NUBP2: variants seen among roughly 807,000 people sequenced by gnomAD.
The protein encoded by NUBP2 is NUBP iron-sulfur cluster assembly factor 2, cytosolic, also known as cytosolic Fe-S cluster assembly factor NUBP2.
Under a neutral mutation model 24.9 loss-of-function variants are expected in NUBP2, and 23 were observed. The ratio of observed to expected loss-of-function variants is 0.92; its 90% CI spans 0.66 to 1.31. NUBP2 has a LOEUF of 1.31. NUBP2 is among the 50% of genes most tolerant of loss of function. The pLI is 0.00. For synonymous variants in NUBP2, 186 were observed against 170.9 expected, an observed-to-expected ratio of 1.09 and a Z score of -0.69; for missense variants, 403 against 386.5, an observed-to-expected ratio of 1.04 and a Z score of -0.36.
At chr16:1,783,076 C>A in intron 1 of NUBP2, 40 bp downstream of exon 1, 1 of 1,240,226 alleles carries the variant, frequency 8.1e-7, no homozygotes, top group South Asian at 3.5e-5. Context: ...TCCAGGGCCT[C>A]GCTTGGGGCC....
In NUBP2 at chr16:1,786,845, G is replaced by A. The variant is rs1447626903; in HGVS notation, c.224G>A (p.Gly75Asp). 3 of 1,596,252 alleles carry A rather than the reference G, an allele frequency of 1.9e-6. No homozygotes were observed. The highest frequency in any genetic ancestry group is 2.6e-6 in the Non-Finnish European group (3 of 1,167,972). ...QGRAVHQCDR[G>D]WAPVFLDREQ... ...AGGGCTGTGCACCAGTGCGACCGCG[G>A]CTGGGCACCCGTCTTCCTGGACCGG... The change falls in exon 3 of 7, where the codon GGC becomes GAC. Residue 75 changes from glycine to aspartate, a missense_variant. By Grantham distance (94) the Gly-to-Asp change is moderately conservative. Transcript: ENST00000262302.
intron 1 of NUBP2, chr16:1,784,628 ACTC>A (rs1896877611): frequency 7.0e-6 from 1 of 143,066 alleles, no homozygotes; most frequent in Non-Finnish European, 1.5e-5. Context: ...CTGGTCTCGA[ACTC>A]CTGACCTCAG....
At chr16:1,787,018 C>T in intron 3 of NUBP2, 63 bp downstream of exon 3, 1 of 1,408,674 alleles carries the variant, frequency 7.1e-7, no homozygotes, top group Non-Finnish European at 9.3e-7. Context: ...GCCGGCCTCT[C>T]CTGTGGAAAT....
In NUBP2 at chr16:1,786,768, G is replaced by A; in HGVS notation, c.147G>A (p.Leu49=). The A allele has an allele frequency of 6.2e-7, 1 of 1,611,358 alleles. No homozygotes were observed. The highest frequency in any genetic ancestry group is 8.5e-7 in the Non-Finnish European group (1 of 1,179,024). ...GCCGCTCCTTGCAGGTGGGAATCCT[G>A]GATGTGGACCTGTGTGGCCCCAGTA... is the stretch of plus-strand genomic sequence containing the variant. ...LRHAGKKVGI[L]DVDLCGPSIP... is the part of the protein sequence containing the mutation. Residue 49 remains leucine, a synonymous_variant, in exon 3 of 7, where the codon CTG becomes CTA. Coordinates refer to ENST00000262302, the MANE Select transcript of NUBP2 (RefSeq NM_012225.4).
Position 1,788,862 on chromosome 16 carries a change from C to G in NUBP2, c.*148C>G. 9.7e-7 allele frequency: 1 copy of G among 1,034,216 alleles called. No homozygotes were observed. Among genetic ancestry groups the G allele is most frequent in the Non-Finnish European group, 1.3e-6 (1 of 741,532 alleles). 64.1% of individuals were successfully genotyped at this position (1,034,216 alleles called of 1,614,324 possible). A position where few individuals can be genotyped will look rare whatever the true frequency, so the allele number is the denominator to read the frequency against. ...GAGAGCTTCTCCCCGACCAGCCCAGCCCCAGGATGTGTCGCACCAGCAGCT... is the reference window on the plus strand; with the variant it reads ...GAGAGCTTCTCCCCGACCAGCCCAGGCCCAGGATGTGTCGCACCAGCAGCT... On this transcript the variant is annotated 3_prime_UTR_variant, in exon 7 of 7. Transcript: ENST00000262302.
intron 1 of NUBP2, chr16:1,786,077 C>T (rs990054767): frequency 1.5e-5 from 15 of 1,008,086 alleles, no homozygotes; most frequent in African/African-American, 1.4e-4. Context: ...TGTGTGACAA[C>T]GCGTGGTTGT....
intron 6 of NUBP2, 101 bp from the exon 7 acceptor site, chr16:1,788,468 A>G (rs769436562): frequency 3.0e-5 from 43 of 1,418,192 alleles, no homozygotes; most frequent in Non-Finnish European, 3.3e-5. Context: ...CAGCGCCTCA[A>G]TCCCCTCTAA....
At chr16:1,784,114 C>T in intron 1 of NUBP2, 8 of 818,366 alleles carry the variant, frequency 9.8e-6, no homozygotes, top group Non-Finnish European at 1.2e-5. Context: ...TTTTTTGAGA[C>T]AGGGTCTTAA....
rs1313766103 is a variant in NUBP2 at position 1,787,756 on chromosome 16, C to T, written c.414C>T (p.Ser138=). 28 of 1,612,512 alleles carry T rather than the reference C, an allele frequency of 1.7e-5. No homozygotes were observed. The highest frequency in any genetic ancestry group is 1.9e-5 in the Non-Finnish European group (22 of 1,179,952). ...YLVVDTPPGT[S]DEHMATIEAL... ...TGGTGGACACGCCCCCGGGGACCTC[C>T]GATGAGCACATGGCCACCATAGAAG... The change falls in exon 4 of 7, where the codon TCC becomes TCT. Residue 138 remains serine (S), a synonymous_variant. Transcript: ENST00000262302.
In NUBP2 at chr16:1,783,217, G is replaced by A. The variant is rs1896804481; in HGVS notation, c.16+181G>A. On this transcript the variant is annotated intron_variant, in intron 1 of 6. Transcript: ENST00000262302. ...TTCTAAACAGGGTCGTTTCCCGCGT[G>A]CTCCTGCTTCGATGTGGAAGCTCCG... 4 of 1,167,344 alleles carry A rather than the reference G, an allele frequency of 3.4e-6. No individual in the cohort carries two copies. The East Asian group carries it at 1.2e-4, about 34-fold the overall frequency. The allele number at this position is 1,167,344 out of a possible 1,614,324, so 72.3% of individuals were successfully genotyped here.
chr16:1,786,988 T>G (rs996359015), intron 3 of NUBP2, 33 bp downstream of exon 3: 4 of 1,493,628 alleles, frequency 2.7e-6, no homozygotes, highest in East Asian at 2.3e-5. Context: ...GCCGTCCTGG[T>G]GAAGGGGGTT....
In NUBP2 at chr16:1,785,734, G is replaced by A. The variant is rs556225513; in HGVS notation, c.17-803G>A. 5.5e-5 allele frequency: 71 copies of A among 1,289,102 alleles called. No individual in the cohort carries two copies. In the African/African-American group the frequency reaches 6.7e-4, roughly 12 times the overall value. 79.9% of individuals were successfully genotyped at this position (1,289,102 alleles called of 1,614,324 possible). On this transcript the variant is annotated intron_variant, in intron 1 of 6. Coordinates refer to ENST00000262302, the MANE Select transcript of NUBP2 (RefSeq NM_012225.4). Reference sequence around the variant, plus strand: ...GACCCGCCTGCATGCCAGGTTCTCCGGGAGGCTTTGGACTTGGGAGCCTTT... The same window carrying A: ...GACCCGCCTGCATGCCAGGTTCTCCAGGAGGCTTTGGACTTGGGAGCCTTT...
chr16:1,787,022 T>G (rs1897007248), intron 3 of NUBP2, 67 bp downstream of exon 3: 1 of 1,391,192 alleles, frequency 7.2e-7, no homozygotes, highest in African/African-American at 1.4e-5. Context: ...GCCTCTCCTG[T>G]GGAAATGTTC....
chr16:1,787,266 G>A (rs1355606584), intron 3 of NUBP2: 1 of 420,474 alleles, frequency 2.4e-6, no homozygotes, highest in African/African-American at 2.0e-5. Flanking sequence ...TGCCTCTGGA[G>A]CAGGTGGCAT....
At chr16:1,785,442 C>G in intron 1 of NUBP2, 2 of 1,182,926 alleles carry the variant, frequency 1.7e-6, no homozygotes, top group South Asian at 1.6e-5. Flanking sequence ...AACACTGCCG[C>G]TGGTGCCAGC....
chr16:1,784,592 G>A (rs1427021689), intron 1 of NUBP2: 1 of 151,664 alleles, frequency 6.6e-6, no homozygotes, highest in African/African-American at 2.4e-5. Flanking sequence ...TTTTAGTAGA[G>A]ACAGGGTTTC....
Position 1,788,556 on chromosome 16 carries a change from C to G in NUBP2, c.671-13C>G. The G allele has an allele frequency of 6.3e-7, 1 of 1,595,258 alleles. No homozygotes were observed. The highest frequency in any genetic ancestry group is 8.5e-7 in the Non-Finnish European group (1 of 1,174,356). ...TGCGGACATGGCGCCACCGCCTCCA[C>G]TGTGCCCTGCAGGCTCCGTGCCCCT... On this transcript the variant is annotated splice_polypyrimidine_tract_variant and intron_variant, in intron 6 of 6. Coordinates refer to ENST00000262302, the MANE Select transcript of NUBP2 (RefSeq NM_012225.4).
At chr16:1,783,324 G>A (rs1896809879) in intron 1 of NUBP2, 1 of 1,117,124 alleles carries the variant, frequency 9.0e-7, no homozygotes, top group Non-Finnish European at 1.1e-6. Context: ...GGCGGGCGCG[G>A]TGGCGCCTGT....
At position 1,786,856 on chromosome 16, in the gene NUBP2, G is replaced by A. The variant is rs749827351; in HGVS notation, c.235G>A (p.Val79Ile). The stretch of plus-strand genomic sequence containing the variant: ...CCAGTGCGACCGCGGCTGGGCACCC[G>A]TCTTCCTGGACCGGGAGCAGAGCAT... ...VHQCDRGWAP[V>I]FLDREQSISL... is the part of the protein sequence containing the mutation. Residue 79 changes from valine (V) to isoleucine (I), a missense_variant, in exon 3 of 7, where the codon GTC becomes ATC. By Grantham distance (29) the Val-to-Ile change is conservative. Coordinates refer to ENST00000262302, the MANE Select transcript of NUBP2 (RefSeq NM_012225.4). 9.4e-6 allele frequency: 15 copies of A among 1,593,706 alleles called. No homozygotes were observed. Among genetic ancestry groups the A allele is most frequent in the East Asian group, 2.3e-5 (1 of 44,370 alleles).
Sources: gnomAD v4.1 joint callset for allele counts on GRCh38, gnomAD v4.1.1 for gene constraint, MANE v1.5 for transcripts, NCBI Gene and HGNC (gene_info 2026-07-23, HGNC 2026-07-21) for gene names.